SHANK2: variants seen among roughly 807,000 people sequenced by gnomAD.
SHANK2 encodes SH3 and multiple ankyrin repeat domains protein 2.
SHANK2 carries 43 observed loss-of-function variants against 133.7 expected under a neutral mutation model. The ratio of observed to expected loss-of-function variants is 0.32; its 90% CI spans 0.25 to 0.41. SHANK2 has a LOEUF of 0.41. Among genes scored for constraint, SHANK2 ranks in the 10% least tolerant of loss-of-function variants. The probability of loss-of-function intolerance (pLI) is 1.00; values close to 1 mark genes in which losing one functional copy is unlikely to be tolerated. For missense variants in SHANK2, 1,994 were observed against 2,235.8 expected (o/e 0.89, Z 2.18); for synonymous variants, 1,017 against 952.8 (o/e 1.07, Z -1.24).
Position 70,732,506 on chromosome 11 carries a change from T to G in SHANK2, c.1778-33743A>C, listed in dbSNP as rs374483868. Among the ~76,000 whole-genome samples, 17 of 152,236 alleles carry G rather than the reference T, an allele frequency of 1.1e-4. No individual in the cohort carries two copies. In the East Asian group the frequency reaches 2.9e-3, roughly 26 times the overall value. On this transcript the variant is annotated intron_variant, in intron 14 of 25. Transcript: ENST00000601538. ...GCTCAGACCCTTGCATGGCCCAGGA[T>G]TTTTTTCTGTGTCCCCCAGCCTCAC...
At chr11:71,058,200 T>G (rs942915252) in intron 9 of SHANK2, among the ~76,000 whole-genome samples, 2 of 152,220 alleles carry the variant, frequency 1.3e-5, no homozygotes, top group African/African-American at 4.8e-5. Flanking sequence ...CAGCCTCTTA[T>G]GCATTTTCAT....
At chr11:70,682,592 T>C (rs1338879710) in intron 15 of SHANK2, among the ~76,000 whole-genome samples, 1 of 152,154 alleles carries the variant, frequency 6.6e-6, no homozygotes, top group African/African-American at 2.4e-5. Context: ...TCTTTGAATA[T>C]CTTGAGATGG....
At chr11:70,764,495 C>T (rs1947074712) in intron 14 of SHANK2, among the ~76,000 whole-genome samples, 1 of 148,644 alleles carries the variant, frequency 6.7e-6, no homozygotes, top group African/African-American at 2.5e-5. Context: ...TTATCCCTCC[C>T]TCCCCTCTCT....
intron 10 of SHANK2, among the ~76,000 whole-genome samples, chr11:70,945,191 C>T (rs916878006): frequency 2.0e-5 from 3 of 152,126 alleles, no homozygotes; most frequent in South Asian, 2.1e-4. Context: ...GGACTTCCCT[C>T]GGGGTGCTTT....
chr11:70,785,880 C>T (rs782475509), intron 14 of SHANK2, among the ~76,000 whole-genome samples: 1 of 152,160 alleles, frequency 6.6e-6, no homozygotes, highest in African/African-American at 2.4e-5. Context: ...ATGCTCTGTC[C>T]GCTTCAGGGA....
intron 3 of SHANK2, among the ~76,000 whole-genome samples, chr11:71,140,245 A>G (rs1394383762): frequency 6.6e-6 from 1 of 152,206 alleles, no homozygotes; most frequent in Non-Finnish European, 1.5e-5. Flanking sequence ...AAGGTTCCAG[A>G]AACAACCAGG....
intron 14 of SHANK2, among the ~76,000 whole-genome samples, chr11:70,740,844 C>T (rs1403065137): frequency 6.6e-6 from 1 of 152,150 alleles, no homozygotes; most frequent in African/African-American, 2.4e-5. Context: ...CTGGTCCTAT[C>T]CAGCAGATGG....
At chr11:70,522,093 G>A (rs1167812843) in intron 17 of SHANK2, among the ~76,000 whole-genome samples, 1 of 152,234 alleles carries the variant, frequency 6.6e-6, no homozygotes, top group Non-Finnish European at 1.5e-5. Context: ...CTCCTAGGCA[G>A]AGGCCACAGC....
chr11:70,702,680 T>C (rs1319094527), intron 14 of SHANK2, among the ~76,000 whole-genome samples: 2 of 152,270 alleles, frequency 1.3e-5, no homozygotes, highest in Non-Finnish European at 2.9e-5. Context: ...TGGAATGCTC[T>C]GCTAAATTAT....
intron 2 of SHANK2, among the ~76,000 whole-genome samples, chr11:71,205,413 G>T (rs1285390516): frequency 6.6e-6 from 1 of 152,168 alleles, no homozygotes; most frequent in African/African-American, 2.4e-5. Flanking sequence ...GCCCCTGCTG[G>T]GCGCTCCTGC....
At chr11:70,730,016 G>A (rs889015027) in intron 14 of SHANK2, among the ~76,000 whole-genome samples, 2 of 151,838 alleles carry the variant, frequency 1.3e-5, no homozygotes, top group Admixed American at 6.6e-5. Flanking sequence ...TCCCTGCCTC[G>A]GTTTTCTCCT....
At chr11:70,838,985 T>G (rs781829612) in intron 11 of SHANK2, among the ~76,000 whole-genome samples, 1 of 152,236 alleles carries the variant, frequency 6.6e-6, no homozygotes, top group Non-Finnish European at 1.5e-5. Flanking sequence ...TTTTGGCCAC[T>G]TGCCCAGGCC....
chr11:71,165,354 G>A (rs2135481015), intron 2 of SHANK2, among the ~76,000 whole-genome samples: 1 of 152,300 alleles, frequency 6.6e-6, no homozygotes, highest in East Asian at 1.9e-4. Flanking sequence ...TTCTTAAGAA[G>A]AAATATTTTT....
In SHANK2 at chr11:70,469,830, A is replaced by AT; in HGVS notation, c.*3038dup. The stretch of plus-strand genomic sequence containing the variant: ...AGCAAATCAACAGTCACATTGAGTA[A>AT]TTTTTATATTATGTGAATTAACTTA... On this transcript the variant is annotated 3_prime_UTR_variant, in exon 26 of 26. Transcript: ENST00000601538. 1 of 152,776 alleles carries AT rather than the reference A, an allele frequency of 6.5e-6. No homozygotes were observed. The highest frequency in any genetic ancestry group is 2.1e-4 in the South Asian group (1 of 4,834). The allele number at this position is 152,776 out of a possible 1,614,324, so 9.5% of individuals were successfully genotyped here.
intron 11 of SHANK2, among the ~76,000 whole-genome samples, chr11:70,836,042 C>A (rs1948810506): frequency 6.6e-6 from 1 of 152,224 alleles, no homozygotes; most frequent in African/African-American, 2.4e-5. Flanking sequence ...GAGAGCCCAC[C>A]AAGGTGCAGG....
rs782356185 is a variant in SHANK2, at chr11:70,473,214, G to A, written c.5205C>T (p.Pro1735=). The change falls in exon 26 of 26, where the codon CCC becomes CCT. Residue 1735 remains proline (P), a synonymous_variant. Coordinates refer to ENST00000601538, the MANE Select transcript of SHANK2 (RefSeq NM_012309.5). The surrounding 1 kb of genome is among the most constrained non-coding windows in gnomAD (Gnocchi z 5.9). ...GAAGGCTAAAGACATCTGAGAGAGC[G>A]GGAGAAGGAGAGGCGGTGGCAGCAG... ...PLSAATASPS[P]ALSDVFSLPS... The A allele has an allele frequency of 1.9e-5, 30 of 1,610,846 alleles. No individual in the cohort carries two copies. The highest frequency in any genetic ancestry group is 5.5e-5 in the South Asian group (5 of 91,044).
intron 15 of SHANK2, among the ~76,000 whole-genome samples, chr11:70,692,869 C>T (rs1945318836): frequency 6.6e-6 from 1 of 152,230 alleles, no homozygotes; most frequent in Non-Finnish European, 1.5e-5. Flanking sequence ...TAAGAGAAAA[C>T]TGGTTTTCTC....
chr11:71,088,310 A>T (rs1951446491), intron 8 of SHANK2, among the ~76,000 whole-genome samples: 2 of 152,048 alleles, frequency 1.3e-5, no homozygotes, highest in Admixed American at 6.6e-5. Flanking sequence ...GTATCTGTAC[A>T]CACACACACA....
At chr11:70,546,230 C>G (rs547722748) in intron 17 of SHANK2, among the ~76,000 whole-genome samples, 1 of 151,586 alleles carries the variant, frequency 6.6e-6, no homozygotes, top group East Asian at 1.9e-4. Flanking sequence ...TGAACCACTG[C>G]GCCCAGAGTT....
Sources: gnomAD v4.1 joint callset for allele counts (sites outside exome capture counted in the v4.1 genomes callset) on GRCh38, gnomAD v4.1.1 for gene constraint, Gnocchi (gnomAD v3.1) non-coding constraint, MANE v1.5 for transcripts, NCBI Gene and HGNC (gene_info 2026-07-23, HGNC 2026-07-21) for gene names.